Variants in SYT2 observed in about 807,000 individuals in gnomAD.
SYT2 encodes synaptotagmin-2.
A neutral mutation model predicts 39.9 loss-of-function variants in SYT2; 15 were observed. The observed-to-expected ratio is 0.38, with a 90% CI of 0.25 to 0.58. The LOEUF is 0.58. Ranked by LOEUF, SYT2 falls within the 20% of genes least tolerant of loss-of-function variation. The probability of loss-of-function intolerance (pLI) is 0.70; values close to 1 mark genes in which losing one functional copy is unlikely to be tolerated. For synonymous variants in SYT2, 181 were observed against 204.5 expected, an observed-to-expected ratio of 0.89 and a Z score of 0.98; for missense variants, 389 against 530.3, an observed-to-expected ratio of 0.73 and a Z score of 2.62.
rs142444362 is a variant in SYT2 at position 202,614,348 on chromosome 1, T to C, written c.-17-8559A>G. Among the ~76,000 whole-genome samples, 313 of 152,252 alleles carry C rather than the reference T, an allele frequency of 2.1e-3. 4 individuals are homozygous for C. The highest frequency in any genetic ancestry group is 3.4e-3 in the Middle Eastern group (1 of 294). ...CAGTTATAAGTGGGGTTTGTGAAGT[T>C]AGCTCCATGGGGAGTGGAGCAGGGA... On this transcript the variant is annotated intron_variant, in intron 1 of 8. Transcript: ENST00000367268. The surrounding 1 kb of genome is among the most constrained non-coding windows in gnomAD (Gnocchi z 4.0).
chr1:202,660,449 C>A (rs1692355483), intron 1 of SYT2, among the ~76,000 whole-genome samples: 1 of 152,156 alleles, frequency 6.6e-6, no homozygotes, highest in African/African-American at 2.4e-5. Context: ...AGACAGGAAT[C>A]TCTTCCACAG....
chr1:202,604,649 C>G, intron 2 of SYT2, 28 bp from the exon 3 acceptor site: 1 of 1,607,640 alleles, frequency 6.2e-7, no homozygotes, highest in Admixed American at 1.7e-5. Flanking sequence ...ATCCCAGGGT[C>G]AGCAGTGCCA....
rs929258926 is a variant in SYT2 at position 202,600,850 on chromosome 1, G to A, written c.802-376C>T. On this transcript the variant is annotated intron_variant, in intron 6 of 8. Coordinates refer to ENST00000367268, the MANE Select transcript of SYT2 (RefSeq NM_177402.5). Reference sequence around the variant, plus strand: ...AGGCCCTGGTAAGGTGGGAAGGTGTGCGAGAAGCGGGTGGGTTAGCCACGT... The same window carrying A: ...AGGCCCTGGTAAGGTGGGAAGGTGTACGAGAAGCGGGTGGGTTAGCCACGT... Among the ~76,000 whole-genome samples the A allele has an allele frequency of 3.3e-5, 5 of 152,310 alleles. No individual in the cohort carries two copies. In the East Asian group the frequency reaches 9.6e-4, roughly 29 times the overall value.
At chr1:202,602,760 T>G (rs1194054121) in intron 4 of SYT2, among the ~76,000 whole-genome samples, 1 of 152,188 alleles carries the variant, frequency 6.6e-6, no homozygotes. Flanking sequence ...GAAATTGCCT[T>G]GCCCAAGGTT....
chr1:202,658,255 C>A (rs1263632957), intron 1 of SYT2, among the ~76,000 whole-genome samples: 3 of 152,150 alleles, frequency 2.0e-5, no homozygotes, highest in Admixed American at 1.3e-4. Flanking sequence ...ACGAGGGCAT[C>A]TGCACTGGAT....
chr1:202,665,832 A>G (rs557955113), intron 1 of SYT2, among the ~76,000 whole-genome samples: 1 of 152,294 alleles, frequency 6.6e-6, no homozygotes, highest in African/African-American at 2.4e-5. Flanking sequence ...TTTCTAATTT[A>G]AGAAGCAAAT....
intron 1 of SYT2, among the ~76,000 whole-genome samples, chr1:202,667,674 A>G (rs982996250): frequency 6.6e-6 from 1 of 152,138 alleles, no homozygotes; most frequent in Non-Finnish European, 1.5e-5. Context: ...AGCCCACAGT[A>G]GGCTTCTCAG....
chr1:202,659,556 T>G (rs1226956206), intron 1 of SYT2, among the ~76,000 whole-genome samples: 1 of 152,210 alleles, frequency 6.6e-6, no homozygotes, highest in African/African-American at 2.4e-5. Context: ...TGGAAACGAC[T>G]CTGAAAGCCC....
intron 1 of SYT2, among the ~76,000 whole-genome samples, chr1:202,699,915 G>C (rs927734763): frequency 1.3e-5 from 2 of 151,730 alleles, no homozygotes; most frequent in African/African-American, 4.8e-5. Flanking sequence ...TCCCTCTCTG[G>C]GCCTTGTCTT....
intron 1 of SYT2, among the ~76,000 whole-genome samples, chr1:202,652,674 T>C (rs925894614): frequency 2.0e-5 from 3 of 152,130 alleles, no homozygotes; most frequent in Admixed American, 2.0e-4. Flanking sequence ...CCCTCAGCTA[T>C]CCTGGGAGGG....
rs941998537 is a variant in SYT2 at position 202,628,625 on chromosome 1, C to T, written c.-17-22836G>A. On this transcript the variant is annotated intron_variant, in intron 1 of 8. Transcript: ENST00000367268. The surrounding 1 kb of genome is among the most constrained non-coding windows in gnomAD (Gnocchi z 4.2). Reference sequence around the variant, plus strand: ...AGAAGCCAGCTCTCTCCTGCCTGACCGGGGGCCGGGACAGACATGGGAGAT... The same window carrying T: ...AGAAGCCAGCTCTCTCCTGCCTGACTGGGGGCCGGGACAGACATGGGAGAT... Among the ~76,000 whole-genome samples the T allele has an allele frequency of 2.6e-5, 4 of 152,184 alleles. No individual in the cohort carries two copies. The highest frequency in any genetic ancestry group is 4.8e-5 in the African/African-American group (2 of 41,438).
At chr1:202,697,998 G>C (rs1271171573) in intron 1 of SYT2, among the ~76,000 whole-genome samples, 1 of 152,132 alleles carries the variant, frequency 6.6e-6, no homozygotes, top group Non-Finnish European at 1.5e-5. Context: ...GTACGGACAG[G>C]AGGAGCCAGA....
intron 1 of SYT2, among the ~76,000 whole-genome samples, chr1:202,618,400 A>T (rs868417866): frequency 2.0e-5 from 3 of 148,868 alleles, no homozygotes; most frequent in Non-Finnish European, 3.0e-5. Context: ...GTCTGGTGTG[A>T]GTGTGTGTGT....
intron 1 of SYT2, among the ~76,000 whole-genome samples, chr1:202,709,073 T>C (rs1449924525): frequency 6.9e-6 from 1 of 144,472 alleles, no homozygotes; most frequent in East Asian, 2.1e-4. Flanking sequence ...CAGACCCCAG[T>C]TCACCTTTCT....
rs779196540 is a variant in SYT2 at position 202,595,435 on chromosome 1, A to C, written c.*1322T>G. 1.3e-5 allele frequency: 2 copies of C among 152,158 alleles called. No individual in the cohort carries two copies. The highest frequency in any genetic ancestry group is 2.9e-5 in the Non-Finnish European group (2 of 68,040). 9.4% of individuals were successfully genotyped at this position (152,158 alleles called of 1,614,324 possible). A position where few individuals can be genotyped will look rare whatever the true frequency, so the allele number is the denominator to read the frequency against. Reference sequence around the variant, plus strand: ...TAGGTCTCCCTGGGCCACTCCAGCTACCTATCAGCTCTCCAGCATGGAGGG... The same window carrying C: ...TAGGTCTCCCTGGGCCACTCCAGCTCCCTATCAGCTCTCCAGCATGGAGGG... On this transcript the variant is annotated 3_prime_UTR_variant, in exon 9 of 9. Transcript: ENST00000367268.
rs1358991131 is a variant in SYT2, at chr1:202,599,139, G to C, written c.1053+79C>G. The C allele has an allele frequency of 6.3e-7, 1 of 1,575,192 alleles. No individual in the cohort carries two copies. Among genetic ancestry groups the C allele is most frequent in the Non-Finnish European group, 8.6e-7 (1 of 1,162,164 alleles). On this transcript the variant is annotated intron_variant, in intron 8 of 8. Coordinates refer to ENST00000367268, the MANE Select transcript of SYT2 (RefSeq NM_177402.5). This position sits in a 1 kb window ranked among gnomAD's most constrained non-coding sequence, Gnocchi z 4.4. Reference sequence around the variant, plus strand: ...AGGCTGTTCCATGGTCTCTAGGTGAGTTCCCTCTCTTCAACCTCCCCATAC... The same window carrying C: ...AGGCTGTTCCATGGTCTCTAGGTGACTTCCCTCTCTTCAACCTCCCCATAC...
Position 202,625,233 on chromosome 1 carries a change from CTG to C in SYT2, c.-17-19446_-17-19445del, listed in dbSNP as rs768593364. Among the ~76,000 whole-genome samples, 322 of 55,106 alleles carry C rather than the reference CTG, an allele frequency of 5.8e-3. 4 individuals are homozygous for C. Among genetic ancestry groups the C allele is most frequent in the Non-Finnish European group, 8.9e-3 (265 of 29,898 alleles). 36.2% of individuals were successfully genotyped at this position (55,106 alleles called of 152,430 possible). A position where few individuals can be genotyped will look rare whatever the true frequency, so the allele number is the denominator to read the frequency against. On this transcript the variant is annotated intron_variant, in intron 1 of 8. Transcript: ENST00000367268. ...GTGATGTTTGTGGTGTGTGCTGTGT[CTG>C]TGTGGTGTGTGTGTGGTGTGTGTGG...
chr1:202,612,965 T>C (rs789908), intron 1 of SYT2, among the ~76,000 whole-genome samples: 50,030 of 151,724 alleles, frequency 0.33, 8,557 homozygotes, highest in Non-Finnish European at 0.38. Flanking sequence ...AATTGTTTTC[T>C]TAATTTCACT....
intron 2 of SYT2, 134 bp from the exon 3 acceptor site, chr1:202,604,755 A>C: frequency 1.3e-6 from 1 of 746,966 alleles, no homozygotes; most frequent in Non-Finnish European, 2.1e-6. Flanking sequence ...TAAAAGCCAC[A>C]CACCCATGAG....
Sources: allele counts gnomAD v4.1 joint callset (sites outside exome capture counted in the v4.1 genomes callset), GRCh38; gene constraint gnomAD v4.1.1; non-coding constraint Gnocchi (gnomAD v3.1); transcripts MANE v1.5; gene names NCBI Gene and HGNC (gene_info 2026-07-23, HGNC 2026-07-21).